The following CIMAP2 variants were observed in gnomAD, a reference collection of about 807,000 sequenced individuals.
CIMAP2 encodes the protein ciliary microtubule-associated protein 2.
At chr1:54,831,463 G>A in the CIMAP2 span, among the ~76,000 whole-genome samples, 1,338 of 152,070 alleles carry the variant, frequency 8.8e-3, 21 homozygotes, top group African/African-American at 0.031. Flanking sequence ...GACCAGCCTG[G>A]CCAAAATGGT....
At chr1:54,818,062 A>G in the CIMAP2 span, among the ~76,000 whole-genome samples, 1 of 152,154 alleles carries the variant, frequency 6.6e-6, no homozygotes. Flanking sequence ...CCTAGCTTCA[A>G]ATATGGTTGC....
At chr1:54,835,947 A>T in the CIMAP2 span, among the ~76,000 whole-genome samples, 3 of 151,878 alleles carry the variant, frequency 2.0e-5, no homozygotes, top group Admixed American at 1.3e-4. Flanking sequence ...CTTCACCATG[A>T]CCCATCTTCC....
At chr1:54,834,203 T>C in the CIMAP2 span, among the ~76,000 whole-genome samples, 7 of 152,218 alleles carry the variant, frequency 4.6e-5, no homozygotes, top group Non-Finnish European at 4.4e-5. Flanking sequence ...CACCCATCTA[T>C]AGCGCTGCTT....
At chr1:54,829,590 G>GT in the CIMAP2 span, among the ~76,000 whole-genome samples, 19 of 152,296 alleles carry the variant, frequency 1.2e-4, no homozygotes, top group African/African-American at 4.6e-4. Flanking sequence ...GCTTGGTTCT[G>GT]TCCTGAGTGC....
the CIMAP2 span, among the ~76,000 whole-genome samples, chr1:54,830,625 G>A: frequency 6.6e-6 from 1 of 152,184 alleles, no homozygotes; most frequent in Non-Finnish European, 1.5e-5. This position sits in a 1 kb window ranked among gnomAD's most constrained non-coding sequence, Gnocchi z 4.1. Context: ...CTTCTGCCAG[G>A]CTAAATGAAG....
chr1:54,814,736 G>T, the CIMAP2 span, among the ~76,000 whole-genome samples: 1 of 152,190 alleles, frequency 6.6e-6, no homozygotes, highest in Admixed American at 6.5e-5. Context: ...TAGAGTGGGT[G>T]GCATGGGTCA....
the CIMAP2 span, among the ~76,000 whole-genome samples, chr1:54,819,838 C>CTTTCTTTCTTTCTTTCTTTCTT: frequency 7.0e-5 from 4 of 57,050 alleles, no homozygotes; most frequent in East Asian, 2.0e-3. Flanking sequence ...TTCTTTCTTT[C>CTTTCTTTCTTTCTTTCTTTCTT]TCTTTCTTTC....
chr1:54,818,481 A>T, the CIMAP2 span, among the ~76,000 whole-genome samples: 92,727 of 151,482 alleles, frequency 0.61, 28,946 homozygotes, highest in South Asian at 0.75. Flanking sequence ...TATTTTAAAA[A>T]TTTTGGCTAT....
chr1:54,806,311 G>A, the CIMAP2 span: 2 of 1,278,376 alleles, frequency 1.6e-6, no homozygotes, highest in Admixed American at 3.1e-5. Flanking sequence ...GAGAGAGGGT[G>A]TCCACCTACA....
the CIMAP2 span, chr1:54,811,959 C>G: frequency 1.9e-6 from 3 of 1,614,152 alleles, no homozygotes; most frequent in Non-Finnish European, 2.5e-6. Flanking sequence ...CAGGCCTTGC[C>G]TGCCTTCCCG....
chr1:54,831,585 G>A, the CIMAP2 span, among the ~76,000 whole-genome samples: 9 of 151,928 alleles, frequency 5.9e-5, no homozygotes, highest in East Asian at 1.9e-4. Context: ...TCCGGGAGGC[G>A]GAGGGTGCAG....
the CIMAP2 span, chr1:54,817,000 T>G: frequency 6.2e-7 from 1 of 1,614,036 alleles, no homozygotes; most frequent in Non-Finnish European, 8.5e-7. Context: ...ACCCAGTAGG[T>G]GTGGGCCGCT....
At chr1:54,808,003 C>T in the CIMAP2 span, 3 of 1,574,566 alleles carry the variant, frequency 1.9e-6, no homozygotes, top group African/African-American at 2.7e-5. Flanking sequence ...CTTCCGAGGA[C>T]TCACTGGGGT....
chr1:54,816,423 G>A, the CIMAP2 span, among the ~76,000 whole-genome samples: 1 of 152,122 alleles, frequency 6.6e-6, no homozygotes, highest in Non-Finnish European at 1.5e-5. Flanking sequence ...CTCTGTTGGT[G>A]CCTCTAGGAT....
the CIMAP2 span, among the ~76,000 whole-genome samples, chr1:54,840,521 A>T: frequency 1.3e-5 from 2 of 152,306 alleles, no homozygotes; most frequent in Non-Finnish European, 2.9e-5. Context: ...TTTCTAGGTC[A>T]TTTGGTGGGT....
the CIMAP2 span, chr1:54,817,053 G>T: frequency 6.2e-7 from 1 of 1,614,162 alleles, no homozygotes; most frequent in South Asian, 1.1e-5. Context: ...AGGCGGCAGC[G>T]ATATCGATCC....
chr1:54,835,932 T>C, the CIMAP2 span, among the ~76,000 whole-genome samples: 2 of 152,102 alleles, frequency 1.3e-5, no homozygotes, highest in Non-Finnish European at 2.9e-5. Context: ...TGAGGCATAG[T>C]TGGCCTTCAC....
At chr1:54,822,321 A>G in the CIMAP2 span, among the ~76,000 whole-genome samples, 1 of 150,748 alleles carries the variant, frequency 6.6e-6, no homozygotes, top group African/African-American at 2.4e-5. Context: ...GAAGTCCTAG[A>G]TGTTTATTGA....
the CIMAP2 span, chr1:54,807,576 G>A: frequency 1.2e-6 from 2 of 1,603,256 alleles, no homozygotes; most frequent in Non-Finnish European, 1.7e-6. Context: ...GCTTCAGCAA[G>A]AAGAAGCTGA....
Sources: allele counts gnomAD v4.1 joint callset (sites outside exome capture counted in the v4.1 genomes callset), GRCh38; gene constraint gnomAD v4.1.1; non-coding constraint Gnocchi (gnomAD v3.1); transcripts MANE v1.5; gene names NCBI Gene and HGNC (gene_info 2026-07-23, HGNC 2026-07-21).